The following CENPM variants were observed in gnomAD, a reference collection of about 807,000 sequenced individuals.
The protein encoded by CENPM is interphase centromere complex protein 39.
CENPM carries 14 observed loss-of-function variants against 19.6 expected under a neutral mutation model. That is an observed-to-expected ratio of 0.71 (90% CI 0.47 to 1.11). The LOEUF is 1.11. CENPM is among the 50% of genes most tolerant of loss of function. The pLI is 0.00. For missense variants in CENPM, 239 were observed against 228.4 expected, an observed-to-expected ratio of 1.05 and a Z score of -0.30; for synonymous variants, 114 against 101.5, an observed-to-expected ratio of 1.12 and a Z score of -0.74.
chr22:41,939,339 C>T lies in CENPM; in HGVS notation c.403-143G>A, dbSNP rs187522695. 1,097 of 967,132 alleles carry T rather than the reference C, an allele frequency of 1.1e-3. 5 individuals are homozygous for T. The Middle Eastern group carries it at 0.014, about 13-fold the overall frequency. The allele number at this position is 967,132 out of a possible 1,614,324, so 59.9% of individuals were successfully genotyped here. A position where few individuals can be genotyped will look rare whatever the true frequency, so the allele number is the denominator to read the frequency against. The stretch of plus-strand genomic sequence containing the variant: ...TCACCACTGCCCACCACAGCCACGC[C>T]CTCATTCATGCCACACCTCAGAGTA... On this transcript the variant is annotated intron_variant, in intron 5 of 5. Coordinates refer to ENST00000215980, the MANE Select transcript of CENPM (RefSeq NM_024053.5).
chr22:41,939,124 C>A lies in CENPM; in HGVS notation c.475G>T (p.Gly159Cys). ...GACAGCAGGTTCAGAGCTGAGACACCGGGCACGTGGCCAGCACAGATCTGC... is the reference window on the plus strand; with the variant it reads ...GACAGCAGGTTCAGAGCTGAGACACAGGGCACGTGGCCAGCACAGATCTGC... ...VLQICAGHVPGVSALNLLSLL... is the reference protein window; with the variant it reads ...VLQICAGHVPCVSALNLLSLL... Residue 159 changes from glycine (G) to cysteine (C), a missense_variant, in exon 6 of 6, where the codon GGT becomes TGT. Transcript: ENST00000215980. 6.2e-7 allele frequency: 1 copy of A among 1,612,948 alleles called. No homozygotes were observed. The highest frequency in any genetic ancestry group is 8.5e-7 in the Non-Finnish European group (1 of 1,179,944).
chr22:41,938,929 G>T lies in CENPM; in HGVS notation c.*127C>A. 7.6e-7 allele frequency: 1 copy of T among 1,309,100 alleles called. No homozygotes were observed. 81.1% of individuals were successfully genotyped at this position (1,309,100 alleles called of 1,614,324 possible). ...TCCCTGCTGCAGCACTGGCACTGCA[G>T]GGAACCTTCCCAGCCACGGCGGGCT... On this transcript the variant is annotated 3_prime_UTR_variant, in exon 6 of 6. Transcript: ENST00000215980.
chr22:41,939,854 AAGAAAGAAAGAAAG>A (rs2077717274), intron 5 of CENPM, among the ~76,000 whole-genome samples: 1 of 63,938 alleles, frequency 1.6e-5, no homozygotes, highest in African/African-American at 2.0e-4. Context: ...GAAAGAAAGA[AAGAAAGAAAGAAAG>A]AAAGAAAGAA....
chr22:41,943,539 G>T (rs1190693938), intron 5 of CENPM, 71 bp downstream of exon 5: 1 of 1,313,592 alleles, frequency 7.6e-7, no homozygotes, highest in Non-Finnish European at 1.1e-6. Flanking sequence ...TTCCCAATGT[G>T]CCCACTGTGT....
downstream of CENPM, among the ~76,000 whole-genome samples, chr22:41,935,060 G>T (rs1031619516): frequency 3.3e-5 from 5 of 152,230 alleles, no homozygotes; most frequent in African/African-American, 1.2e-4. Context: ...TGAGGCAGGG[G>T]CAGGCCAGCC....
chr22:41,939,863 A>AAG (rs1491076583), intron 5 of CENPM, among the ~76,000 whole-genome samples: 1 of 76,346 alleles, frequency 1.3e-5, no homozygotes. Context: ...AAAGAAAGAA[A>AAG]GAAAGAAAGA....
At chr22:41,941,866 C>T (rs891948374) in intron 5 of CENPM, among the ~76,000 whole-genome samples, 1 of 152,232 alleles carries the variant, frequency 6.6e-6, no homozygotes, top group African/African-American at 2.4e-5. Context: ...AGGGGCAGGC[C>T]TAATGGCTGC....
At chr22:41,933,564 A>T in the CENPM span, among the ~76,000 whole-genome samples, 2 of 151,240 alleles carry the variant, frequency 1.3e-5, no homozygotes, top group African/African-American at 4.9e-5. Context: ...GTACCTACCC[A>T]CTCTCCCCAG....
chr22:41,940,279 T>G (rs1177683711), intron 5 of CENPM: 1 of 670,716 alleles, frequency 1.5e-6, no homozygotes, highest in African/African-American at 1.8e-5. Context: ...CGTTCCCTGG[T>G]TACCCTGCCT....
intron 4 of CENPM, chr22:41,944,611 G>T: frequency 1.1e-6 from 1 of 924,726 alleles, no homozygotes; most frequent in Non-Finnish European, 1.3e-6. Context: ...TACCGTGTCT[G>T]CCTCACAGTG....
chr22:41,930,795 C>T, the CENPM span, among the ~76,000 whole-genome samples: 1 of 151,460 alleles, frequency 6.6e-6, no homozygotes. Flanking sequence ...GCTGGGATTA[C>T]AGGCATGAGC....
intron 5 of CENPM, among the ~76,000 whole-genome samples, chr22:41,939,786 G>A (rs146597584): frequency 0.025 from 856 of 33,652 alleles, 1 homozygote; most frequent in East Asian, 0.04. Context: ...AAAAAAGAAA[G>A]AAAAAGAAAG....
chr22:41,933,120 C>T, the CENPM span, among the ~76,000 whole-genome samples: 4 of 152,070 alleles, frequency 2.6e-5, no homozygotes, highest in African/African-American at 7.2e-5. Context: ...GAGCGATCCC[C>T]AAGGATGTCT....
rs1260751059 is a variant in CENPM, at chr22:41,939,203, GGA to G, written c.403-9_403-8del. The G allele has an allele frequency of 1.9e-6, 3 of 1,607,342 alleles. No homozygotes were observed. In the African/African-American group the frequency reaches 4.0e-5, roughly 21 times the overall value. Reference sequence around the variant, plus strand: ...TGGCCCTAAAGCCTTCCACCTGCGGGGAGAGCAGAGAACAGCAGTGAGATAGA... The same window carrying G: ...TGGCCCTAAAGCCTTCCACCTGCGGGGAGCAGAGAACAGCAGTGAGATAGA... On this transcript the variant is annotated splice_region_variant and splice_polypyrimidine_tract_variant and intron_variant, in intron 5 of 5. Transcript: ENST00000215980.
intron 5 of CENPM, among the ~76,000 whole-genome samples, chr22:41,942,607 T>C (rs897867840): frequency 6.6e-6 from 1 of 151,848 alleles, no homozygotes; most frequent in Non-Finnish European, 1.5e-5. Flanking sequence ...AAAAATTAGC[T>C]GGGCGTGGTG....
At chr22:41,944,810 A>C (rs2077780209) in intron 4 of CENPM, 1 of 1,011,874 alleles carries the variant, frequency 9.9e-7, no homozygotes, top group Non-Finnish European at 1.2e-6. Context: ...TTTTACCGAA[A>C]GCCACAGGCA....
downstream of CENPM, among the ~76,000 whole-genome samples, chr22:41,934,985 CG>C (rs1457722907): frequency 6.6e-6 from 1 of 152,258 alleles, no homozygotes; most frequent in Non-Finnish European, 1.5e-5. Flanking sequence ...ACCCATCCCC[CG>C]CCTTCCAGGG....
At position 41,945,000 on chromosome 22, in the gene CENPM, T is replaced by C. The variant is rs545809132; in HGVS notation, c.310+225A>G. ...TGTTATGTAGTTAAAACTTGTGTCA[T>C]GGGGTTTGTTGTACAGATCATTGTC... On this transcript the variant is annotated intron_variant, in intron 4 of 5. Transcript: ENST00000215980. The C allele has an allele frequency of 2.0e-5, 27 of 1,365,670 alleles. No homozygotes were observed. In the African/African-American group the frequency reaches 2.9e-4, roughly 15 times the overall value. The allele number at this position is 1,365,670 out of a possible 1,614,324, so 84.6% of individuals were successfully genotyped here.
At chr22:41,934,488 C>T (rs147531601), downstream of CENPM, among the ~76,000 whole-genome samples, 2,073 of 152,298 alleles carry the variant, frequency 0.014, 38 homozygotes, top group Non-Finnish European at 0.016. Flanking sequence ...CTTCGCCCCC[C>T]CATTCCCAGC....
Sources: gnomAD v4.1 joint callset for allele counts (sites outside exome capture counted in the v4.1 genomes callset) on GRCh38, gnomAD v4.1.1 for gene constraint, MANE v1.5 for transcripts, NCBI Gene and HGNC (gene_info 2026-07-23, HGNC 2026-07-21) for gene names.